Variants in RNF168 observed in about 807,000 individuals in gnomAD.
RNF168 encodes ring finger protein 168.
Under a neutral mutation model 34.9 loss-of-function variants are expected in RNF168, and 34 were observed. That is an observed-to-expected ratio of 0.97 (90% CI 0.74 to 1.30). The LOEUF (loss-of-function observed/expected upper bound fraction) is 1.30, where lower values mean the gene tolerates loss of function less well. Among genes scored for constraint, RNF168 ranks in the 50% most tolerant of loss-of-function variants. The probability of loss-of-function intolerance (pLI) is 0.00; values close to 1 mark genes in which losing one functional copy is unlikely to be tolerated. For missense variants in RNF168, 725 were observed against 682.5 expected, an observed-to-expected ratio of 1.06 and a Z score of -0.69; for synonymous variants, 264 against 254.7, an observed-to-expected ratio of 1.04 and a Z score of -0.35.
intron 1 of RNF168, among the ~76,000 whole-genome samples, chr3:196,491,561 GC>G (rs1273555473): frequency 6.6e-6 from 1 of 151,628 alleles, no homozygotes; most frequent in Non-Finnish European, 1.5e-5. Flanking sequence ...CAGAAGAATT[GC>G]TTGAACCCGG....
Position 196,503,377 on chromosome 3 carries a change from G to GGGC in RNF168, c.-207_-205dup. 3 of 602,824 alleles carry GGGC rather than the reference G, an allele frequency of 5.0e-6. No individual in the cohort carries two copies. Among genetic ancestry groups the GGGC allele is most frequent in the Non-Finnish European group, 5.9e-6 (2 of 338,906 alleles). 37.3% of individuals were successfully genotyped at this position (602,824 alleles called of 1,614,324 possible). ...GTCAGGCAAACAGGAATACCCCGGA[G>GGGC]GGCGGCGTCTTTGTCCATTTTCAAG... On this transcript the variant is annotated 5_prime_UTR_variant, in exon 1 of 6. Coordinates refer to ENST00000318037, the MANE Select transcript of RNF168 (RefSeq NM_152617.4).
chr3:196,491,238 G>A (rs1231792384), intron 1 of RNF168, among the ~76,000 whole-genome samples: 9 of 152,164 alleles, frequency 5.9e-5, no homozygotes, highest in Non-Finnish European at 1.2e-4. Flanking sequence ...GCTTGAACCC[G>A]GGAGGCGGAG....
chr3:196,502,587 CAA>C (rs1170053741), intron 1 of RNF168, among the ~76,000 whole-genome samples: 24 of 120,830 alleles, frequency 2.0e-4, no homozygotes, highest in Non-Finnish European at 1.9e-4. Flanking sequence ...GATCCTGTCT[CAA>C]AAAAAAAAAA....
intron 1 of RNF168, among the ~76,000 whole-genome samples, chr3:196,489,730 A>G (rs751404382): frequency 3.9e-5 from 6 of 152,200 alleles, no homozygotes; most frequent in Non-Finnish European, 7.3e-5. Context: ...GAAAGGGAAG[A>G]CTACAGCTGA....
intron 4 of RNF168, among the ~76,000 whole-genome samples, chr3:196,479,108 T>C: frequency 6.6e-6 from 1 of 150,798 alleles, no homozygotes; most frequent in South Asian, 2.1e-4. Flanking sequence ...CCTCCTGAGT[T>C]TTAAGCAATT....
chr3:196,496,565 C>A (rs969753343), intron 1 of RNF168, among the ~76,000 whole-genome samples: 1 of 152,216 alleles, frequency 6.6e-6, no homozygotes, highest in African/African-American at 2.4e-5. Flanking sequence ...GTGACCTACA[C>A]AAACAGAGAA....
intron 1 of RNF168, among the ~76,000 whole-genome samples, chr3:196,492,317 A>C (rs747555667): frequency 6.6e-6 from 1 of 151,666 alleles, no homozygotes; most frequent in Admixed American, 6.6e-5. Flanking sequence ...TGGGCAACAT[A>C]GCAAGACCCC....
intron 4 of RNF168, 79 bp from the exon 5 acceptor site, chr3:196,475,391 C>T (rs1437660167): frequency 1.3e-5 from 11 of 829,748 alleles, no homozygotes; most frequent in East Asian, 1.3e-4. Context: ...CTATTTATAC[C>T]GAAGGTTGTC....
chr3:196,479,652 G>A (rs141675604), intron 4 of RNF168, among the ~76,000 whole-genome samples: 3,201 of 151,332 alleles, frequency 0.021, 126 homozygotes, highest in African/African-American at 0.074. Context: ...GTGCAGTGGT[G>A]TGACCTCGGC....
rs1317962611 is a variant in RNF168 at position 196,470,297 on chromosome 3, C to T, written c.*1522G>A. On this transcript the variant is annotated 3_prime_UTR_variant, in exon 6 of 6. Transcript: ENST00000318037. ...AGTTTCAATGATCCAGACTGTCAGT[C>T]ACCCCATCCAGCCACATCCTCATCT... The T allele has an allele frequency of 2.0e-5, 3 of 153,046 alleles. No homozygotes were observed. Among genetic ancestry groups the T allele is most frequent in the African/African-American group, 7.3e-5 (3 of 41,262 alleles). 9.5% of individuals were successfully genotyped at this position (153,046 alleles called of 1,614,324 possible).
Position 196,470,230 on chromosome 3 carries a change from C to G in RNF168, c.*1589G>C, listed in dbSNP as rs903492785. 1 of 152,854 alleles carries G rather than the reference C, an allele frequency of 6.5e-6. No individual in the cohort carries two copies. Among genetic ancestry groups the G allele is most frequent in the Non-Finnish European group, 1.5e-5 (1 of 68,588 alleles). The allele number at this position is 152,854 out of a possible 1,614,324, so 9.5% of individuals were successfully genotyped here. A position where few individuals can be genotyped will look rare whatever the true frequency, so the allele number is the denominator to read the frequency against. ...TGATCCAGACTGTCAGTCACCCCAT[C>G]CAGCCACATCCTCATCTGGACCAGT... On this transcript the variant is annotated 3_prime_UTR_variant, in exon 6 of 6. Transcript: ENST00000318037.
At chr3:196,489,560 C>T (rs983155495) in intron 1 of RNF168, among the ~76,000 whole-genome samples, 2 of 152,108 alleles carry the variant, frequency 1.3e-5, no homozygotes, top group Admixed American at 6.5e-5. Flanking sequence ...CTCCTAATGT[C>T]GGGCAATCTG....
rs147801256 is a variant in RNF168, at chr3:196,494,292, C to T, written c.302-5609G>A. Reference sequence around the variant, plus strand: ...GTTCTGGTTAACTCTAAAATTTCTGCTGAAACCCACTTCGGTTAAACATTC... The same window carrying T: ...GTTCTGGTTAACTCTAAAATTTCTGTTGAAACCCACTTCGGTTAAACATTC... On this transcript the variant is annotated intron_variant, in intron 1 of 5. Transcript: ENST00000318037. 3.5e-3 allele frequency among the ~76,000 whole-genome samples: 531 copies of T among 152,330 alleles called. 4 individuals are homozygous for T. Among genetic ancestry groups the T allele is most frequent in the African/African-American group, 0.012 (504 of 41,576 alleles).
At chr3:196,477,546 AAAG>A (rs1234042898) in intron 4 of RNF168, among the ~76,000 whole-genome samples, 1 of 152,228 alleles carries the variant, frequency 6.6e-6, no homozygotes, top group Admixed American at 6.5e-5. Context: ...TTTCAGTTGA[AAAG>A]AAGCTTAGTC....
intron 1 of RNF168, among the ~76,000 whole-genome samples, chr3:196,500,310 A>G (rs147172566): frequency 1.4e-3 from 213 of 152,360 alleles, no homozygotes; most frequent in African/African-American, 5.0e-3. Flanking sequence ...CATACACTGG[A>G]ACATTATTCA....
In RNF168 at chr3:196,502,968, T is replaced by C; in HGVS notation, c.206A>G (p.Asn69Ser). ...CCACAGTTCCACGTTGACGAGAGAA[T>C]TTCTTCGGGTATGGTACCGAGTCCA... ...SSWTRYHTRR[N>S]SLVNVELWTI... is the part of the protein sequence containing the mutation. The change falls in exon 1 of 6, where the codon AAT becomes AGT. Residue 69 changes from asparagine to serine, a missense_variant. Coordinates refer to ENST00000318037, the MANE Select transcript of RNF168 (RefSeq NM_152617.4). The C allele has an allele frequency of 6.2e-7, 1 of 1,614,026 alleles. No individual in the cohort carries two copies. The highest frequency in any genetic ancestry group is 8.5e-7 in the Non-Finnish European group (1 of 1,179,958).
At position 196,471,203 on chromosome 3, in the gene RNF168, A is replaced by T. The variant is rs1731994062; in HGVS notation, c.*616T>A. On this transcript the variant is annotated 3_prime_UTR_variant, in exon 6 of 6. Transcript: ENST00000318037. ...AGAGCAAGACTCTGTCTCCAAAAAA[A>T]AAAAAAAAAAAAAAAAAAAAAAAAA... The T allele has an allele frequency of 1.2e-5, 1 of 86,196 alleles. No homozygotes were observed. Among genetic ancestry groups the T allele is most frequent in the African/African-American group, 5.7e-5 (1 of 17,484 alleles). 5.3% of individuals were successfully genotyped at this position (86,196 alleles called of 1,614,324 possible).
intron 1 of RNF168, among the ~76,000 whole-genome samples, chr3:196,496,540 T>C (rs1732747620): frequency 6.6e-6 from 1 of 152,142 alleles, no homozygotes; most frequent in Non-Finnish European, 1.5e-5. Context: ...ACTTCATTAC[T>C]GAAAAAAATT....
intron 1 of RNF168, among the ~76,000 whole-genome samples, chr3:196,491,768 T>G (rs1342777336): frequency 6.6e-6 from 1 of 152,026 alleles, no homozygotes; most frequent in African/African-American, 2.4e-5. Context: ...AGTCATCCAT[T>G]AAGATATATA....
Sources: allele counts gnomAD v4.1 joint callset (sites outside exome capture counted in the v4.1 genomes callset), GRCh38; gene constraint gnomAD v4.1.1; transcripts MANE v1.5; gene names NCBI Gene and HGNC (gene_info 2026-07-23, HGNC 2026-07-21).